The following CTC1 variants were observed in gnomAD, a reference collection of about 807,000 sequenced individuals.
CTC1 encodes the protein CST complex subunit CTC1.
A neutral mutation model predicts 136.3 loss-of-function variants in CTC1; 91 were observed. That is an observed-to-expected ratio of 0.67 (90% CI 0.56 to 0.79). CTC1 has a LOEUF of 0.79. CTC1 is among the 30% of genes least tolerant of loss of function. The probability of loss-of-function intolerance (pLI) is 0.00; values close to 1 mark genes in which losing one functional copy is unlikely to be tolerated. For synonymous variants in CTC1, 606 were observed against 613.8 expected (o/e 0.99, Z 0.19); for missense variants, 1,432 against 1,498.1 (o/e 0.96, Z 0.73).
intron 1 of CTC1, among the ~76,000 whole-genome samples, chr17:8,244,127 A>C (rs150023207): frequency 6.6e-6 from 1 of 152,250 alleles, no homozygotes; most frequent in African/African-American, 2.4e-5. Flanking sequence ...TAAGTGCCTA[A>C]TAGTGGACAG....
intron 18 of CTC1, among the ~76,000 whole-genome samples, 156 bp downstream of exon 18, chr17:8,229,735 G>A (rs962656749): frequency 1.3e-5 from 2 of 152,178 alleles, no homozygotes; most frequent in Non-Finnish European, 2.9e-5. Context: ...TAGACACAGA[G>A]CATTTTTTAT....
intron 15 of CTC1, 26 bp from the exon 16 acceptor site, chr17:8,230,677 G>T (rs768221310): frequency 8.8e-6 from 14 of 1,588,100 alleles, no homozygotes; most frequent in Non-Finnish European, 1.2e-5. Flanking sequence ...AATACACTGA[G>T]AATGGAGGCA....
chr17:8,233,384 G>T, intron 10 of CTC1: 1 of 198,176 alleles, frequency 5.0e-6, no homozygotes, highest in Admixed American at 5.6e-5. Flanking sequence ...TAGCACTTTG[G>T]GAGGCCAAGG....
chr17:8,235,007 G>A (rs776694080), intron 8 of CTC1, 46 bp downstream of exon 8: 3 of 1,609,400 alleles, frequency 1.9e-6, no homozygotes, highest in South Asian at 2.2e-5. Flanking sequence ...CCAAGGAAGT[G>A]TGCTACTCCC....
rs1350918599 is a variant in CTC1 at position 8,248,049 on chromosome 17, C to T, written c.-13G>A. The T allele has an allele frequency of 1.3e-6, 2 of 1,599,656 alleles. No homozygotes were observed. The highest frequency in any genetic ancestry group is 2.2e-5 in the South Asian group (2 of 89,180). The stretch of plus-strand genomic sequence containing the variant: ...GGCCAGCCGCCATGATGCGCCGGAG[C>T]TCCGCCCCCGGGAGGGGCAGGTGCT... On this transcript the variant is annotated 5_prime_UTR_variant, in exon 1 of 23. Transcript: ENST00000651323.
At position 8,244,650 on chromosome 17, in the gene CTC1, C is replaced by T. The variant is rs549452468; in HGVS notation, c.34-1502G>A. Among the ~76,000 whole-genome samples the T allele has an allele frequency of 1.6e-4, 25 of 152,268 alleles. 1 individual carries two copies. The South Asian group carries it at 3.3e-3, about 20-fold the overall frequency. On this transcript the variant is annotated intron_variant, in intron 1 of 22. Coordinates refer to ENST00000651323, the MANE Select transcript of CTC1 (RefSeq NM_025099.6). ...AAGTGATTCTCCTGTCTCAGCCTCC[C>T]AAGTAGCTGGGATTACAGGCATCCA...
In CTC1 at chr17:8,230,608, G is replaced by A. The variant is rs1297119160; in HGVS notation, c.2713C>T (p.Arg905Trp). The A allele has an allele frequency of 4.3e-6, 7 of 1,614,160 alleles. No homozygotes were observed. Among genetic ancestry groups the A allele is most frequent in the East Asian group, 2.2e-5 (1 of 44,888 alleles). The change falls in exon 16 of 23, where the codon CGG becomes TGG. Residue 905 changes from arginine (R) to tryptophan (W), a missense_variant. Coordinates refer to ENST00000651323, the MANE Select transcript of CTC1 (RefSeq NM_025099.6). ...LVSFSAEILS[R>W]TLCEPLVASL... is the part of the protein sequence containing the mutation. Reference sequence around the variant, plus strand: ...GCCACAAGGGGTTCACATAGTGTCCGTGACAAAATCTCAGCGGAGAAAGAC... The same window carrying A: ...GCCACAAGGGGTTCACATAGTGTCCATGACAAAATCTCAGCGGAGAAAGAC...
intron 1 of CTC1, among the ~76,000 whole-genome samples, chr17:8,245,699 G>T (rs1165598016): frequency 6.6e-6 from 1 of 152,036 alleles, no homozygotes; most frequent in Non-Finnish European, 1.5e-5. Context: ...GCACTCTGGG[G>T]GGCCAAGGTG....
Position 8,227,931 on chromosome 17 carries a change from G to A in CTC1, c.*249C>T, listed in dbSNP as rs1056804143. On this transcript the variant is annotated 3_prime_UTR_variant, in exon 23 of 23. Coordinates refer to ENST00000651323, the MANE Select transcript of CTC1 (RefSeq NM_025099.6). ...GACAAAGTCAGAACCCAGGTGCTCA[G>A]GGCCGCCTGTGAATGCAGGTGCCTT... The A allele has an allele frequency of 2.1e-5, 9 of 431,074 alleles. No individual in the cohort carries two copies. Among genetic ancestry groups the A allele is most frequent in the East Asian group, 2.0e-4 (5 of 25,182 alleles). 26.7% of individuals were successfully genotyped at this position (431,074 alleles called of 1,614,324 possible). A position where few individuals can be genotyped will look rare whatever the true frequency, so the allele number is the denominator to read the frequency against.
chr17:8,243,483 C>T (rs1347225676), intron 1 of CTC1, among the ~76,000 whole-genome samples: 1 of 150,136 alleles, frequency 6.7e-6, no homozygotes, highest in East Asian at 1.9e-4. Flanking sequence ...CGAGCCATTG[C>T]ACTCCAGCCT....
At chr17:8,234,061 T>C (rs965690089) in intron 10 of CTC1, among the ~76,000 whole-genome samples, 4 of 152,332 alleles carry the variant, frequency 2.6e-5, no homozygotes, top group Non-Finnish European at 5.9e-5. Flanking sequence ...CTTGGCTCAC[T>C]ATACTCTTGA....
In CTC1 at chr17:8,231,981, C is replaced by T. The variant is rs201879837; in HGVS notation, c.2307G>A (p.Trp769Ter). The T allele has an allele frequency of 6.2e-7, 1 of 1,609,080 alleles. No individual in the cohort carries two copies. Among genetic ancestry groups the T allele is most frequent in the African/African-American group, 1.3e-5 (1 of 74,712 alleles). The change falls in exon 13 of 23, where the codon TGG (tryptophan) becomes TGA (stop). Residue 769 changes from tryptophan (W) to a stop codon, truncating the protein, a stop_gained. Coordinates refer to ENST00000651323, the MANE Select transcript of CTC1 (RefSeq NM_025099.6). LOFTEE classifies it high-confidence loss of function. ...CCTCCTTCCTCTGGGTGCCCCCAAGCCAGCTCCCCAACACATAGAAACTGA... is the reference window on the plus strand; with the variant it reads ...CCTCCTTCCTCTGGGTGCCCCCAAGTCAGCTCCCCAACACATAGAAACTGA... ...PALSFYVLGS[W>*]LGGTQRKEGT... is the part of the protein sequence containing the mutation.
intron 1 of CTC1, 41 bp from the exon 2 acceptor site, chr17:8,243,189 G>T: frequency 6.4e-7 from 1 of 1,574,684 alleles, no homozygotes; most frequent in Non-Finnish European, 8.6e-7. Context: ...TGACTATCCG[G>T]CCCACCAAGG....
chr17:8,244,529 C>CTT (rs553787024), intron 1 of CTC1, among the ~76,000 whole-genome samples: 115 of 145,654 alleles, frequency 7.9e-4, no homozygotes, highest in African/African-American at 2.6e-3. Context: ...TCACATTCCT[C>CTT]TTTTTTTTTT....
rs1433020636 is a variant in CTC1, at chr17:8,228,980, G to A, written c.3222-88C>T. The A allele has an allele frequency of 1.2e-5, 18 of 1,497,740 alleles. No homozygotes were observed. The East Asian group carries it at 4.1e-4, about 34-fold the overall frequency. The allele number at this position is 1,497,740 out of a possible 1,614,324, so 92.8% of individuals were successfully genotyped here. A position where few individuals can be genotyped will look rare whatever the true frequency, so the allele number is the denominator to read the frequency against. On this transcript the variant is annotated intron_variant, in intron 20 of 22. Transcript: ENST00000651323. ...CAACATGCCTCCCTCCCCGCTGTCTGCAGTCTTTGGCTCACAGATTTAGGA... is the reference window on the plus strand; with the variant it reads ...CAACATGCCTCCCTCCCCGCTGTCTACAGTCTTTGGCTCACAGATTTAGGA...
chr17:8,234,594 T>C lies in CTC1; in HGVS notation c.1679A>G (p.Gln560Arg), dbSNP rs934656702. The C allele has an allele frequency of 1.9e-6, 3 of 1,611,326 alleles. No homozygotes were observed. Among genetic ancestry groups the C allele is most frequent in the African/African-American group, 2.7e-5 (2 of 74,894 alleles). ...GTCAAAGGAGGCCCAGGCCTTACGC[T>C]GTCCTTCTTCTTTCAGGGTGGCCAG... Reference protein sequence around the residue: ...PTLATLKEEGQRKAWASFDPK... With the variant: ...PTLATLKEEGRRKAWASFDPK... The change falls in exon 10 of 23, where the codon CAG becomes CGG. Residue 560 changes from glutamine to arginine, a missense_variant. By Grantham distance (43) the Gln-to-Arg change is conservative (BLOSUM62 1). Coordinates refer to ENST00000651323, the MANE Select transcript of CTC1 (RefSeq NM_025099.6).
Position 8,230,597 on chromosome 17 carries a change from A to C in CTC1, c.2724T>G (p.Cys908Trp). 6.2e-7 allele frequency: 1 copy of C among 1,614,216 alleles called. No individual in the cohort carries two copies. Residue 908 changes from cysteine to tryptophan, a missense_variant, in exon 16 of 23, where the codon TGT (cysteine) becomes TGG (tryptophan). Transcript: ENST00000651323. Reference protein sequence around the residue: ...FSAEILSRTLCEPLVASLWMK... With the variant: ...FSAEILSRTLWEPLVASLWMK... ...TCCAGAGAGACGCCACAAGGGGTTC[A>C]CATAGTGTCCGTGACAAAATCTCAG...
At position 8,226,042 on chromosome 17, in the gene CTC1, CTA is replaced by C. The variant is rs1456628790; in HGVS notation, c.*2136_*2137del. ...TCAGTTAAGCAAAGGACCCTTAGGC[CTA>C]TGCAACATTTCTGCCCCTAAGTTAG... On this transcript the variant is annotated 3_prime_UTR_variant, in exon 23 of 23. Transcript: ENST00000651323. 1.3e-5 allele frequency: 2 copies of C among 152,082 alleles called. No homozygotes were observed. The highest frequency in any genetic ancestry group is 4.8e-5 in the African/African-American group (2 of 41,392). 9.4% of individuals were successfully genotyped at this position (152,082 alleles called of 1,614,324 possible).
chr17:8,235,005 G>A, intron 8 of CTC1, 48 bp downstream of exon 8: 3 of 1,606,456 alleles, frequency 1.9e-6, no homozygotes, highest in Non-Finnish European at 1.7e-6. Context: ...TGCCAAGGAA[G>A]TGTGCTACTC....
Sources: allele counts gnomAD v4.1 joint callset (sites outside exome capture counted in the v4.1 genomes callset), GRCh38; gene constraint gnomAD v4.1.1; transcripts MANE v1.5; gene names NCBI Gene and HGNC (gene_info 2026-07-23, HGNC 2026-07-21).